FLT3: variants seen among roughly 807,000 people sequenced by gnomAD.
The protein encoded by FLT3 is receptor-type tyrosine-protein kinase FLT3.
Under a neutral mutation model 126.6 loss-of-function variants are expected in FLT3, and 46 were observed. The ratio of observed to expected loss-of-function variants is 0.36; its 90% confidence interval spans 0.29 to 0.46. The LOEUF (loss-of-function observed/expected upper bound fraction) is 0.46, where lower values mean the gene tolerates loss of function less well. FLT3 is among the 20% of genes least tolerant of loss of function. The pLI, the probability that FLT3 is intolerant of heterozygous loss-of-function variation, is 1.00. For missense variants in FLT3, 1,069 were observed against 1,190.3 expected, an observed-to-expected ratio of 0.90 and a Z score of 1.50; for synonymous variants, 404 against 434.4, an observed-to-expected ratio of 0.93 and a Z score of 0.87.
intron 19 of FLT3, among the ~76,000 whole-genome samples, chr13:28,021,226 A>T (rs1872355837): frequency 6.6e-6 from 1 of 152,094 alleles, no homozygotes; most frequent in African/African-American, 2.4e-5. Context: ...TTATCCCTAC[A>T]AAAATACAAA....
At chr13:28,050,876 A>G (rs573600810) in intron 5 of FLT3, among the ~76,000 whole-genome samples, 1 of 152,210 alleles carries the variant, frequency 6.6e-6, no homozygotes, top group Admixed American at 6.5e-5. Flanking sequence ...AATTTTAATT[A>G]GTTCAAACTG....
At chr13:28,035,053 G>T (rs1873706556) in intron 12 of FLT3, among the ~76,000 whole-genome samples, 1 of 152,150 alleles carries the variant, frequency 6.6e-6, no homozygotes, top group South Asian at 2.1e-4. Flanking sequence ...AGTCAGTTTT[G>T]TGAGGTTGGT....
intron 3 of FLT3, among the ~76,000 whole-genome samples, chr13:28,059,243 T>A (rs1876317120): frequency 6.6e-6 from 1 of 152,178 alleles, no homozygotes. Context: ...AGGGGCCCGA[T>A]ACCCCTTGCA....
intron 1 of FLT3, among the ~76,000 whole-genome samples, chr13:28,095,826 C>T (rs778084718): frequency 2.0e-5 from 3 of 151,986 alleles, no homozygotes; most frequent in Admixed American, 1.3e-4. Flanking sequence ...CACAAAGAAC[C>T]GTGGATATGT....
chr13:28,073,545 TTATAAG>T (rs375677778), intron 1 of FLT3, among the ~76,000 whole-genome samples: 7 of 152,188 alleles, frequency 4.6e-5, no homozygotes, highest in African/African-American at 1.7e-4. Flanking sequence ...AAAAAATATT[TTATAAG>T]TATAATTAAC....
chr13:28,005,531 A>T (rs532737991), intron 23 of FLT3, among the ~76,000 whole-genome samples: 19 of 151,190 alleles, frequency 1.3e-4, no homozygotes, highest in South Asian at 4.2e-4. Flanking sequence ...ATGGCCACAT[A>T]TTTTTTTTTC....
At chr13:28,008,228 T>G (rs772147960) in intron 23 of FLT3, among the ~76,000 whole-genome samples, 42 of 133,356 alleles carry the variant, frequency 3.1e-4, no homozygotes, top group Non-Finnish European at 5.0e-4. Context: ...GGTGGGAGGA[T>G]CGCTTGATTC....
chr13:28,093,444 G>A (rs1879255600), intron 1 of FLT3, among the ~76,000 whole-genome samples: 1 of 152,038 alleles, frequency 6.6e-6, no homozygotes, highest in Non-Finnish European at 1.5e-5. Flanking sequence ...TTATGCTCAG[G>A]CAACCCTGAA....
chr13:28,037,362 T>C (rs1873927999), intron 9 of FLT3, 74 bp from the exon 10 acceptor site: 1 of 866,288 alleles, frequency 1.2e-6, no homozygotes, highest in Non-Finnish European at 1.9e-6. Context: ...ACAGTGTGCA[T>C]GGGAGGTGTC....
intron 20 of FLT3, among the ~76,000 whole-genome samples, chr13:28,017,076 C>T (rs370906819): frequency 2.3e-4 from 35 of 152,208 alleles, no homozygotes; most frequent in Admixed American, 5.9e-4. Context: ...TAACCATGGG[C>T]GAGTTACTTT....
chr13:28,012,660 C>T (rs1244955580), intron 23 of FLT3, among the ~76,000 whole-genome samples: 3 of 152,094 alleles, frequency 2.0e-5, no homozygotes, highest in East Asian at 1.9e-4. Flanking sequence ...CTTAGCCAGG[C>T]GTGGTGGCTC....
intron 20 of FLT3, among the ~76,000 whole-genome samples, chr13:28,017,767 C>T (rs1872013024): frequency 6.6e-6 from 1 of 151,520 alleles, no homozygotes; most frequent in African/African-American, 2.4e-5. Context: ...TGGGTTCAAG[C>T]AATTCTCCTG....
chr13:28,094,521 A>G (rs1423893902), intron 1 of FLT3, among the ~76,000 whole-genome samples: 1 of 151,908 alleles, frequency 6.6e-6, no homozygotes, highest in Non-Finnish European at 1.5e-5. Context: ...TTTTTTAGAG[A>G]TAGCATCTTG....
chr13:28,006,589 A>C (rs1870918215), intron 23 of FLT3, among the ~76,000 whole-genome samples: 5 of 152,094 alleles, frequency 3.3e-5, no homozygotes. Context: ...GAATTAACTA[A>C]CATGTGCTCT....
intron 17 of FLT3, chr13:28,025,356 G>A (rs917569278): frequency 6.7e-5 from 30 of 449,570 alleles, no homozygotes; most frequent in Non-Finnish European, 1.2e-4. Context: ...CGAGAGTCCC[G>A]TAAGCGTTTC....
intron 19 of FLT3, among the ~76,000 whole-genome samples, chr13:28,019,567 C>T (rs1872196744): frequency 6.6e-6 from 1 of 152,110 alleles, no homozygotes. Context: ...GTGCCACAGC[C>T]CCTCTAGAGC....
chr13:28,068,049 A>ATGTTTTGTTTTGTTT lies in FLT3; in HGVS notation c.165+2427_165+2441dup, dbSNP rs58553214. ...TGTTTTTATTATTTTTGTTTTTATT[A>ATGTTTTGTTTTGTTT]TGTTTTGTTTTGTTTTGTTTAGACT... On this transcript the variant is annotated intron_variant, in intron 2 of 23. Coordinates refer to ENST00000241453, the MANE Select transcript of FLT3 (RefSeq NM_004119.3). The ATGTTTTGTTTTGTTT allele has an allele frequency of 1.8e-3, 307 of 166,026 alleles. 3 individuals are homozygous for ATGTTTTGTTTTGTTT. In the East Asian group the frequency reaches 0.023, roughly 13 times the overall value. The allele number at this position is 166,026 out of a possible 1,614,324, so 10.3% of individuals were successfully genotyped here.
chr13:28,026,265 G>A (rs1203150813), intron 17 of FLT3, among the ~76,000 whole-genome samples: 5 of 148,840 alleles, frequency 3.4e-5, no homozygotes, highest in Non-Finnish European at 4.4e-5. Context: ...CAAGAGAATC[G>A]CTTGAACCTG....
chr13:28,070,991 CT>C (rs11408684), intron 1 of FLT3, among the ~76,000 whole-genome samples: 3,171 of 90,610 alleles, frequency 0.035, 50 homozygotes, highest in African/African-American at 0.13. Context: ...AGATTTCTAC[CT>C]TTTTTTTTTT....
Sources: gnomAD v4.1 joint callset for allele counts (sites outside exome capture counted in the v4.1 genomes callset) on GRCh38, gnomAD v4.1.1 for gene constraint, MANE v1.5 for transcripts, NCBI Gene and HGNC (gene_info 2026-07-23, HGNC 2026-07-21) for gene names.